The following SELE variants were observed in gnomAD, a reference collection of about 807,000 sequenced individuals.
The protein encoded by SELE is selectin E.
In SELE, 52 loss-of-function variants were observed where a neutral mutation model predicts 75.8. That is an observed-to-expected ratio of 0.69 (90% CI 0.55 to 0.86). SELE has a LOEUF of 0.86. Among genes scored for constraint, SELE ranks in the 40% least tolerant of loss-of-function variants. The probability of loss-of-function intolerance (pLI) is 0.00; values close to 1 mark genes in which losing one functional copy is unlikely to be tolerated. For synonymous variants in SELE, 285 were observed against 258.7 expected, an observed-to-expected ratio of 1.10 and a Z score of -0.98; for missense variants, 754 against 732.7, an observed-to-expected ratio of 1.03 and a Z score of -0.34.
intron 2 of SELE, 150 bp from the exon 3 acceptor site, chr1:169,733,148 A>G (rs1054329952): frequency 1.4e-5 from 11 of 773,834 alleles, no homozygotes; most frequent in Non-Finnish European, 2.0e-5. Flanking sequence ...GTACGTATGA[A>G]GAAACAGCGA....
chr1:169,732,383 C>T (rs56034882), intron 3 of SELE, among the ~76,000 whole-genome samples: 10 of 125,724 alleles, frequency 8.0e-5, no homozygotes, highest in South Asian at 2.5e-4. Context: ...TATATATATA[C>T]ACACACACAT....
intron 5 of SELE, 108 bp downstream of exon 5, chr1:169,730,324 A>T: frequency 9.5e-7 from 1 of 1,047,428 alleles, no homozygotes; most frequent in Non-Finnish European, 1.3e-6. Context: ...AAAAACAAAA[A>T]CAAAAAAAAA....
At chr1:169,725,833 A>C in intron 12 of SELE, 32 bp from the exon 13 acceptor site, 1 of 1,613,744 alleles carries the variant, frequency 6.2e-7, no homozygotes, top group Middle Eastern at 1.7e-4. Context: ...TAGGTAAAGC[A>C]CTGTCTTCCA....
At chr1:169,730,381 G>A in intron 5 of SELE, 51 bp downstream of exon 5, 2 of 1,387,762 alleles carry the variant, frequency 1.4e-6, no homozygotes, top group African/African-American at 1.4e-5. Flanking sequence ...AAAAACAGAA[G>A]CAATGAGGGA....
chr1:169,729,213 A>G lies in SELE; in HGVS notation c.1063T>C (p.Trp355Arg). The G allele has an allele frequency of 6.2e-7, 1 of 1,612,958 alleles. No homozygotes were observed. The highest frequency in any genetic ancestry group is 8.5e-7 in the Non-Finnish European group (1 of 1,179,394). Residue 355 changes from tryptophan to arginine, a missense_variant, in exon 7 of 14, where the codon TGG becomes CGG. Transcript: ENST00000333360. ...AQVECTTQGQ[W>R]TQQIPVCEAF... ...TCACAAACTGGGATTTGCTGTGTCC[A>G]CTGCCCTTGAGTGGTGCATTCAACC...
At chr1:169,727,301 C>A (rs1446368125) in intron 10 of SELE, 48 bp downstream of exon 10, 1 of 1,567,686 alleles carries the variant, frequency 6.4e-7, no homozygotes, top group Admixed American at 1.8e-5. Context: ...GATAGCTCCC[C>A]CTTTTTCTTT....
Position 169,729,564 on chromosome 1 carries a change from T to C in SELE, c.825A>G (p.Gly275=). The C allele has an allele frequency of 6.2e-7, 1 of 1,614,164 alleles. No homozygotes were observed. The highest frequency in any genetic ancestry group is 8.5e-7 in the Non-Finnish European group (1 of 1,180,008). ...NTTCTFDCEE[G]FELMGAQSLQ... Reference sequence around the variant, plus strand: ...GGCTCTGGGCTCCCATTAGTTCAAATCCTTCTTCACAGTCAAATGTACAGG... The same window carrying C: ...GGCTCTGGGCTCCCATTAGTTCAAACCCTTCTTCACAGTCAAATGTACAGG... Residue 275 remains glycine, a synonymous_variant, in exon 6 of 14, where the codon GGA becomes GGG. Coordinates refer to ENST00000333360, the MANE Select transcript of SELE (RefSeq NM_000450.2).
intron 10 of SELE, among the ~76,000 whole-genome samples, chr1:169,727,113 A>G (rs1648791886): frequency 6.6e-6 from 1 of 151,516 alleles, no homozygotes; most frequent in Non-Finnish European, 1.5e-5. Context: ...CTTGTTTTCC[A>G]TTTCCCCTTT....
In SELE at chr1:169,726,824, G is replaced by A. The variant is rs373001368; in HGVS notation, c.1646-18C>T. ...AGTGGGAGCTAAGGAAGTAAGAGAC[G>A]AAGAAAGGTCATGAGGAAGAATTGA... On this transcript the variant is annotated intron_variant, in intron 10 of 13. Transcript: ENST00000333360. 6.1e-5 allele frequency: 95 copies of A among 1,558,314 alleles called. No homozygotes were observed. The highest frequency in any genetic ancestry group is 2.1e-4 in the South Asian group (19 of 89,004).
chr1:169,732,545 T>C, intron 3 of SELE, 70 bp downstream of exon 3: 1 of 1,500,708 alleles, frequency 6.7e-7, no homozygotes, highest in Non-Finnish European at 8.9e-7. Flanking sequence ...GAGCAGTTTT[T>C]GCATGCTGTA....
In SELE at chr1:169,729,186, C is replaced by A; in HGVS notation, c.1090G>T (p.Ala364Ser). The change falls in exon 7 of 14, where the codon GCT becomes TCT. Residue 364 changes from alanine to serine, a missense_variant and splice_region_variant. Ala to Ser is a moderately conservative substitution (Grantham distance 99). Transcript: ENST00000333360. ...ATAAATCGAAGGATCTCAAGCTTAC[C>A]TTCACAAACTGGGATTTGCTGTGTC... is the stretch of plus-strand genomic sequence containing the variant. The part of the protein sequence containing the change: ...QWTQQIPVCE[A>S]FQCTALSNPE... The A allele has an allele frequency of 6.3e-7, 1 of 1,599,612 alleles. No homozygotes were observed. The highest frequency in any genetic ancestry group is 8.5e-7 in the Non-Finnish European group (1 of 1,171,302).
At chr1:169,729,095 G>A in intron 7 of SELE, 91 bp downstream of exon 7, 1 of 1,165,562 alleles carries the variant, frequency 8.6e-7, no homozygotes, top group South Asian at 1.6e-5. Flanking sequence ...GATTTCTATA[G>A]TTAAAGTGGG....
chr1:169,731,484 T>C (rs754124884), intron 4 of SELE: 2 of 192,648 alleles, frequency 1.0e-5, no homozygotes, highest in Non-Finnish European at 2.1e-5. Flanking sequence ...CTAGATGAGG[T>C]GAGTACATGT....
At chr1:169,726,565 C>T (rs1016829358) in intron 11 of SELE, 134 bp downstream of exon 11, 4 of 700,956 alleles carry the variant, frequency 5.7e-6, no homozygotes, top group African/African-American at 1.8e-5. Context: ...TTTCTTAATA[C>T]TTCTGCTTAA....
chr1:169,732,892 A>C lies in SELE; in HGVS notation c.144T>G (p.Val48=). The C allele has an allele frequency of 1.9e-6, 3 of 1,614,158 alleles. No homozygotes were observed. The highest frequency in any genetic ancestry group is 2.5e-6 in the Non-Finnish European group (3 of 1,180,014). ...CAATCTCTTCTTTGTTTTGAATTGC[A>C]ACCAGGTGTGTGTACCTTTGCTGAC... ...AYCQQRYTHL[V]AIQNKEEIEY... The change falls in exon 3 of 14, where the codon GTT becomes GTG. Residue 48 remains valine, a synonymous_variant. Transcript: ENST00000333360.
chr1:169,725,728 C>T lies in SELE; in HGVS notation c.*15+1G>A, dbSNP rs753565609. ...AACCATTTGTGATTTACAAGTCTTACCTGATTCTTTTGAACTTAAAGGATG... is the reference window on the plus strand; with the variant it reads ...AACCATTTGTGATTTACAAGTCTTATCTGATTCTTTTGAACTTAAAGGATG... On this transcript the variant is annotated splice_donor_variant, in intron 13 of 13. Coordinates refer to ENST00000333360, the MANE Select transcript of SELE (RefSeq NM_000450.2). LOFTEE classifies it low-confidence loss of function (3UTR_SPLICE). 6 of 1,611,762 alleles carry T rather than the reference C, an allele frequency of 3.7e-6. No individual in the cohort carries two copies. Among genetic ancestry groups the T allele is most frequent in the Middle Eastern group, 1.6e-4 (1 of 6,074 alleles).
rs144324234 is a variant in SELE at position 169,727,896 on chromosome 1, C to A, written c.1311G>T (p.Pro437=). 7.4e-6 allele frequency: 12 copies of A among 1,614,050 alleles called. No individual in the cohort carries two copies. In the East Asian group the frequency reaches 2.2e-4, roughly 30 times the overall value. Residue 437 remains proline, a synonymous_variant, in exon 9 of 14, where the codon CCG becomes CCT. Coordinates refer to ENST00000333360, the MANE Select transcript of SELE (RefSeq NM_000450.2). ...AVRCDAVHQP[P]KGLVRCAHSP... is the part of the protein sequence containing the mutation. ...AATGAGCACACCTCACCAAACCCTTCGGGGGCTGGTGGACAGCATCGCATC... is the reference window on the plus strand; with the variant it reads ...AATGAGCACACCTCACCAAACCCTTAGGGGGCTGGTGGACAGCATCGCATC...
intron 13 of SELE, 123 bp from the exon 14 acceptor site, chr1:169,724,632 CT>C (rs1367867660): frequency 3.9e-5 from 6 of 152,214 alleles, no homozygotes; most frequent in African/African-American, 1.4e-4. Flanking sequence ...ACATCGAATT[CT>C]ATTCAGTTAG....
At chr1:169,727,588 G>T in intron 9 of SELE, 63 bp from the exon 10 acceptor site, 1 of 1,570,370 alleles carries the variant, frequency 6.4e-7, no homozygotes, top group Admixed American at 1.8e-5. Flanking sequence ...TCCAAAACTT[G>T]CTTAAAAGTC....
Sources: gnomAD v4.1 joint callset for allele counts (sites outside exome capture counted in the v4.1 genomes callset) on GRCh38, gnomAD v4.1.1 for gene constraint, MANE v1.5 for transcripts, NCBI Gene and HGNC (gene_info 2026-07-23, HGNC 2026-07-21) for gene names.